EPHA6: variants seen among roughly 807,000 people sequenced by gnomAD.
EPHA6 encodes the protein ephrin type-A receptor 6.
EPHA6 carries 50 observed loss-of-function variants against 112.0 expected under a neutral mutation model. That is an observed-to-expected ratio of 0.45 (90% confidence interval 0.36 to 0.56). The LOEUF (loss-of-function observed/expected upper bound fraction) is 0.56. EPHA6 is among the 20% of genes least tolerant of loss of function. The pLI, the probability that EPHA6 is intolerant of heterozygous loss-of-function variation, is 0.00. For missense variants in EPHA6, 1,280 were observed against 1,417.4 expected, an observed-to-expected ratio of 0.90 and a Z score of 1.56; for synonymous variants, 529 against 490.7, an observed-to-expected ratio of 1.08 and a Z score of -1.03.
chr3:97,717,705 A>G (rs2034313671), intron 14 of EPHA6, among the ~76,000 whole-genome samples: 1 of 152,354 alleles, frequency 6.6e-6, no homozygotes, highest in African/African-American at 2.4e-5. Context: ...GCTTCAATGT[A>G]TGAATTTTAG....
At chr3:97,206,820 A>C (rs1278137761) in intron 3 of EPHA6, among the ~76,000 whole-genome samples, 1 of 152,078 alleles carries the variant, frequency 6.6e-6, no homozygotes, top group Non-Finnish European at 1.5e-5. Context: ...ACATTTATCA[A>C]AGTTATTCCA....
In EPHA6 at chr3:97,751,425, G is replaced by A. The variant is rs1023347296; in HGVS notation, c.*2724G>A. 2.0e-5 allele frequency among the ~76,000 whole-genome samples: 3 copies of A among 151,908 alleles called. No individual in the cohort carries two copies. On this transcript the variant is annotated 3_prime_UTR_variant, in exon 18 of 18. Coordinates refer to ENST00000389672, the MANE Select transcript of EPHA6 (RefSeq NM_001080448.3). ...AAATTATAATTTTATTTTTCAGAATGGTAAGCATGATAATCTTAAATGTAA... is the reference window on the plus strand; with the variant it reads ...AAATTATAATTTTATTTTTCAGAATAGTAAGCATGATAATCTTAAATGTAA...
rs1360637428 is a variant in EPHA6 at position 97,759,842 on chromosome 3, C to T, written c.*11141C>T. On this transcript the variant is annotated 3_prime_UTR_variant, in exon 18 of 18. Transcript: ENST00000389672. ...TATATTTGATGAAATATTTTAAAGG[C>T]ATCTTTACTAAATATTTTTGAGACA... 4 of 214,566 alleles carry T rather than the reference C, an allele frequency of 1.9e-5. No homozygotes were observed. Among genetic ancestry groups the T allele is most frequent in the Non-Finnish European group, 3.8e-5 (4 of 106,248 alleles). 13.3% of individuals were successfully genotyped at this position (214,566 alleles called of 1,614,324 possible).
intron 11 of EPHA6, among the ~76,000 whole-genome samples, chr3:97,562,908 A>T (rs1352299198): frequency 3.9e-5 from 6 of 152,194 alleles, no homozygotes; most frequent in African/African-American, 1.4e-4. Context: ...GGCTCATATG[A>T]TCATTAGCAG....
intron 3 of EPHA6, among the ~76,000 whole-genome samples, chr3:97,184,973 C>T (rs2077085612): frequency 6.6e-6 from 1 of 152,004 alleles, no homozygotes; most frequent in Non-Finnish European, 1.5e-5. Flanking sequence ...GAAAGGATTC[C>T]CTATTTAATA....
At chr3:97,208,063 A>G (rs146788804) in intron 3 of EPHA6, among the ~76,000 whole-genome samples, 2 of 152,248 alleles carry the variant, frequency 1.3e-5, no homozygotes, top group East Asian at 1.9e-4. Context: ...ACACAGCCAC[A>G]TAGAGCTATT....
At chr3:97,308,479 T>C (rs2081416091) in intron 5 of EPHA6, among the ~76,000 whole-genome samples, 1 of 151,762 alleles carries the variant, frequency 6.6e-6, no homozygotes, top group South Asian at 2.1e-4. Flanking sequence ...TGTAGCTACT[T>C]CTAGCACTAT....
At chr3:96,983,378 G>A (rs1195414992) in intron 2 of EPHA6, among the ~76,000 whole-genome samples, 2 of 152,194 alleles carry the variant, frequency 1.3e-5, no homozygotes, top group African/African-American at 2.4e-5. Flanking sequence ...TTGAATATTG[G>A]CCCCCACTCT....
intron 5 of EPHA6, among the ~76,000 whole-genome samples, chr3:97,300,995 C>T (rs2081069731): frequency 6.6e-6 from 1 of 152,096 alleles, no homozygotes; most frequent in Non-Finnish European, 1.5e-5. Context: ...AGCAGGTGAC[C>T]TCCAGCCATC....
chr3:97,180,836 C>A (rs1200429392), intron 3 of EPHA6, among the ~76,000 whole-genome samples: 1 of 152,086 alleles, frequency 6.6e-6, no homozygotes, highest in African/African-American at 2.4e-5. Context: ...AGGCTTGATG[C>A]CAGCCCTCCC....
intron 6 of EPHA6, among the ~76,000 whole-genome samples, chr3:97,419,920 T>C (rs890574337): frequency 1.3e-5 from 2 of 151,750 alleles, no homozygotes; most frequent in East Asian, 1.9e-4. Context: ...AATCAACACA[T>C]GAAATAACCA....
chr3:97,585,744 G>T (rs2093481724), intron 11 of EPHA6, among the ~76,000 whole-genome samples: 1 of 151,166 alleles, frequency 6.6e-6, no homozygotes, highest in East Asian at 1.9e-4. Flanking sequence ...CAAGTTACAA[G>T]AATTTAGATA....
At chr3:97,283,762 TTAAAA>T (rs1362974196) in intron 5 of EPHA6, among the ~76,000 whole-genome samples, 5 of 152,066 alleles carry the variant, frequency 3.3e-5, no homozygotes, top group Non-Finnish European at 5.9e-5. Flanking sequence ...ATCTCATAAC[TTAAAA>T]TAAATAATAA....
chr3:97,359,158 CTCT>C (rs1378134485), intron 5 of EPHA6, among the ~76,000 whole-genome samples: 2 of 151,152 alleles, frequency 1.3e-5, no homozygotes, highest in Non-Finnish European at 2.9e-5. Context: ...TTTTCTCTGT[CTCT>C]TCTTCTGAAA....
At chr3:97,444,348 C>T (rs1393244546) in intron 6 of EPHA6, among the ~76,000 whole-genome samples, 3 of 151,866 alleles carry the variant, frequency 2.0e-5, no homozygotes, top group Non-Finnish European at 4.4e-5. Context: ...GAATCTATTC[C>T]CATAAATGGA....
intron 14 of EPHA6, among the ~76,000 whole-genome samples, chr3:97,644,097 C>G (rs964410629): frequency 2.0e-5 from 3 of 151,858 alleles, no homozygotes; most frequent in South Asian, 2.1e-4. Flanking sequence ...TCTCTCAGAC[C>G]ACAGTGCAAT....
intron 15 of EPHA6, among the ~76,000 whole-genome samples, chr3:97,723,458 C>G (rs1298987633): frequency 6.6e-6 from 1 of 152,158 alleles, no homozygotes; most frequent in Non-Finnish European, 1.5e-5. Context: ...CACAGAGGCT[C>G]TATCTGGAAC....
intron 3 of EPHA6, among the ~76,000 whole-genome samples, chr3:97,193,804 A>T (rs1283544603): frequency 6.6e-6 from 1 of 151,988 alleles, no homozygotes; most frequent in African/African-American, 2.4e-5. Context: ...TATTATATTT[A>T]GGTATGTTTC....
At chr3:97,736,470 A>AGTGT (rs376497031) in intron 16 of EPHA6, among the ~76,000 whole-genome samples, 3,944 of 118,768 alleles carry the variant, frequency 0.033, 95 homozygotes, top group African/African-American at 0.062. Context: ...AGAGAGAGAG[A>AGTGT]GTGTGTGTGT....
Sources: allele counts gnomAD v4.1 joint callset (sites outside exome capture counted in the v4.1 genomes callset), GRCh38; gene constraint gnomAD v4.1.1; transcripts MANE v1.5; gene names NCBI Gene and HGNC (gene_info 2026-07-23, HGNC 2026-07-21).